Variants in NAF1 observed in about 807,000 individuals in gnomAD.
NAF1 encodes nuclear assembly factor 1 ribonucleoprotein, also known as H/ACA ribonucleoprotein complex non-core subunit NAF1.
Under a neutral mutation model 40.6 loss-of-function variants are expected in NAF1, and 11 were observed. That is an observed-to-expected ratio of 0.27 (90% CI 0.17 to 0.45). The LOEUF is 0.45. Among genes scored for constraint, NAF1 ranks in the 20% least tolerant of loss-of-function variants. The pLI is 1.00. For missense variants in NAF1, 607 were observed against 611.1 expected (o/e 0.99, Z 0.07); for synonymous variants, 260 against 228.5 (o/e 1.14, Z -1.24).
At chr4:163,145,928 T>G in intron 3 of NAF1, 64 bp from the exon 4 acceptor site, 1 of 872,676 alleles carries the variant, frequency 1.1e-6, no homozygotes, top group Non-Finnish European at 1.8e-6. Context: ...TTAATGAAAA[T>G]CTAAGCTTTA....
chr4:163,165,636 G>A (rs903810553), intron 1 of NAF1, among the ~76,000 whole-genome samples: 1 of 151,928 alleles, frequency 6.6e-6, no homozygotes, highest in Admixed American at 6.6e-5. Context: ...TCCTCAACAC[G>A]TGTCTATCTT....
intron 2 of NAF1, among the ~76,000 whole-genome samples, chr4:163,163,386 A>G (rs561375763): frequency 5.3e-5 from 8 of 152,306 alleles, no homozygotes; most frequent in African/African-American, 1.9e-4. Flanking sequence ...TTATTTTTTC[A>G]AATCTTGCAT....
chr4:163,117,704 C>CACACACACACACACAT (rs1730388293), intron 2 of NAF1, among the ~76,000 whole-genome samples: 1 of 151,090 alleles, frequency 6.6e-6, no homozygotes, highest in Non-Finnish European at 1.5e-5. Context: ...CACACACACA[C>CACACACACACACACAT]ACACACACAC....
intron 6 of NAF1, chr4:163,135,743 C>G (rs1731030965): frequency 1.3e-5 from 2 of 152,090 alleles, no homozygotes; most frequent in Admixed American, 6.6e-5. Flanking sequence ...GAGCTGAGAC[C>G]GTGCCACTGC....
At chr4:163,104,417 TACTC>T in the NAF1 span, among the ~76,000 whole-genome samples, 1 of 152,202 alleles carries the variant, frequency 6.6e-6, no homozygotes, top group South Asian at 2.1e-4. Flanking sequence ...TGAACATACA[TACTC>T]ACTGAAAAAA....
At chr4:163,153,156 G>A (rs989482079) in intron 2 of NAF1, among the ~76,000 whole-genome samples, 8 of 152,192 alleles carry the variant, frequency 5.3e-5, no homozygotes, top group East Asian at 1.9e-4. Flanking sequence ...TGTGCAGCCC[G>A]AGCCTCCCGG....
At position 163,133,151 on chromosome 4, in the gene NAF1, C is replaced by T; in HGVS notation, c.1033+3G>A. 1 of 1,608,848 alleles carries T rather than the reference C, an allele frequency of 6.2e-7. No homozygotes were observed. The highest frequency in any genetic ancestry group is 8.5e-7 in the Non-Finnish European group (1 of 1,175,442). ...AACGAGTATATATATTGTATTCACT[C>T]ACCAGGCTCATTAAATTCAGATTTG... On this transcript the variant is annotated splice_donor_region_variant and intron_variant, in intron 7 of 7. Coordinates refer to ENST00000274054, the MANE Select transcript of NAF1 (RefSeq NM_138386.3).
At chr4:163,141,759 A>ACTAAATAGCTTT (rs1348906230) in intron 4 of NAF1, 1 of 165,516 alleles carries the variant, frequency 6.0e-6, no homozygotes, top group African/African-American at 2.4e-5. Flanking sequence ...AATGGAAATT[A>ACTAAATAGCTTT]CTAAATAGCT....
intron 6 of NAF1, chr4:163,135,294 A>G (rs1417272905): frequency 1.3e-5 from 2 of 152,216 alleles, no homozygotes; most frequent in Non-Finnish European, 2.9e-5. Flanking sequence ...TCTAGACTAC[A>G]AAGTTTCACC....
chr4:163,165,612 C>T (rs1732420442), intron 1 of NAF1, among the ~76,000 whole-genome samples: 1 of 152,164 alleles, frequency 6.6e-6, no homozygotes, highest in Non-Finnish European at 1.5e-5. Context: ...TCCCTGAAAA[C>T]TAAACTTCTC....
At chr4:163,146,414 T>C (rs1731471157) in intron 3 of NAF1, among the ~76,000 whole-genome samples, 1 of 152,130 alleles carries the variant, frequency 6.6e-6, no homozygotes, top group Non-Finnish European at 1.5e-5. Context: ...AGCAAAAACA[T>C]AATCTCCAAA....
chr4:163,108,323 T>C (rs1242267177), downstream of NAF1, among the ~76,000 whole-genome samples: 2 of 152,206 alleles, frequency 1.3e-5, no homozygotes, highest in Non-Finnish European at 1.5e-5. Flanking sequence ...ACCTAGATCA[T>C]GGCATATGGT....
downstream of NAF1, among the ~76,000 whole-genome samples, chr4:163,123,452 G>A (rs956533587): frequency 6.6e-6 from 1 of 152,170 alleles, no homozygotes; most frequent in East Asian, 1.9e-4. Flanking sequence ...TGTGATCATA[G>A]CTCATTGGAG....
downstream of NAF1, among the ~76,000 whole-genome samples, chr4:163,106,784 T>C (rs1301150349): frequency 2.6e-5 from 4 of 152,184 alleles, no homozygotes; most frequent in African/African-American, 9.7e-5. Flanking sequence ...GTTAGATGAA[T>C]ATTAACTTAT....
rs867064079 is a variant in NAF1, at chr4:163,118,614, G to T, written c.115-8324C>A. On this transcript the variant is annotated intron_variant, in intron 2 of 2. Transcript: ENST00000509434. ...CTAAAAACACAAAAATTAGCCGGGCGTGGTGGCACATGCCTGTAGTCCCAG... is the reference window on the plus strand; with the variant it reads ...CTAAAAACACAAAAATTAGCCGGGCTTGGTGGCACATGCCTGTAGTCCCAG... 3.9e-5 allele frequency among the ~76,000 whole-genome samples: 6 copies of T among 152,274 alleles called. No homozygotes were observed. In the East Asian group the frequency reaches 1.2e-3, roughly 29 times the overall value.
At chr4:163,127,698 G>GTAT (rs1730706683), downstream of NAF1, among the ~76,000 whole-genome samples, 1 of 152,168 alleles carries the variant, frequency 6.6e-6, no homozygotes, top group Non-Finnish European at 1.5e-5. Context: ...TACCAAGGCA[G>GTAT]AGCCTCTCAA....
intron 2 of NAF1, among the ~76,000 whole-genome samples, chr4:163,161,525 C>T (rs987566522): frequency 1.3e-5 from 2 of 151,866 alleles, no homozygotes; most frequent in African/African-American, 4.8e-5. Context: ...ACAGAGGAAG[C>T]CAACCAATAA....
At chr4:163,120,503 T>C (rs1274452863) in intron 2 of NAF1, among the ~76,000 whole-genome samples, 2 of 152,228 alleles carry the variant, frequency 1.3e-5, no homozygotes. Context: ...GTTTGAAAGA[T>C]GGAGTAATGG....
chr4:163,155,035 T>C (rs545972955), intron 2 of NAF1, among the ~76,000 whole-genome samples: 2 of 152,298 alleles, frequency 1.3e-5, no homozygotes, highest in Admixed American at 1.3e-4. Flanking sequence ...GGGATAGATC[T>C]CTGAAAGGTA....
Sources: allele counts gnomAD v4.1 joint callset (sites outside exome capture counted in the v4.1 genomes callset), GRCh38; gene constraint gnomAD v4.1.1; transcripts MANE v1.5; gene names NCBI Gene and HGNC (gene_info 2026-07-23, HGNC 2026-07-21).